SMG5: variants seen among roughly 807,000 people sequenced by gnomAD.
SMG5 encodes nonsense-mediated mRNA decay factor SMG5.
In SMG5, 53 loss-of-function variants were observed where a neutral mutation model predicts 122.9. The observed-to-expected ratio is 0.43, with a 90% CI of 0.35 to 0.54. The LOEUF is 0.54. Among genes scored for constraint, SMG5 ranks in the 20% least tolerant of loss-of-function variants. SMG5 has a pLI of 0.01. For synonymous variants in SMG5, 477 were observed against 490.2 expected, an observed-to-expected ratio of 0.97 and a Z score of 0.35; for missense variants, 1,153 against 1,285.6, an observed-to-expected ratio of 0.90 and a Z score of 1.58.
chr1:156,258,178 G>A (rs1661663049), intron 16 of SMG5, among the ~76,000 whole-genome samples: 1 of 152,222 alleles, frequency 6.6e-6, no homozygotes, highest in Non-Finnish European at 1.5e-5. Flanking sequence ...GGATGGGAAG[G>A]TTCCTTCATG....
At chr1:156,277,803 T>G in intron 3 of SMG5, 122 bp downstream of exon 3, 1 of 1,322,188 alleles carries the variant, frequency 7.6e-7, no homozygotes, top group Non-Finnish European at 1.1e-6. Flanking sequence ...TGAGCCACCG[T>G]GCCCAGCCTC....
chr1:156,276,255 T>C (rs977458513), intron 4 of SMG5, among the ~76,000 whole-genome samples: 3 of 151,856 alleles, frequency 2.0e-5, no homozygotes, highest in Middle Eastern at 3.4e-3. Flanking sequence ...GCCTCCTGAG[T>C]AGCTGGGATT....
rs1459132782 is a variant in SMG5, at chr1:156,250,922, C to T, written c.2903G>A (p.Gly968Asp). ...AQGAGEEDPS[G>D]MVTIITGLPL... ...AAGGCCTGTGATGATGGTCACCATG[C>T]CACTCGGATCCTCCTCACCTGCCCC... Residue 968 changes from glycine (G) to aspartate (D), a missense_variant, in exon 21 of 22, where the codon GGC (glycine) becomes GAC (aspartate). Gly to Asp is a moderately conservative substitution (Grantham distance 94). Transcript: ENST00000361813. 6.2e-7 allele frequency: 1 copy of T among 1,613,960 alleles called. No individual in the cohort carries two copies. Among genetic ancestry groups the T allele is most frequent in the Admixed American group, 1.7e-5 (1 of 60,008 alleles).
intron 4 of SMG5, among the ~76,000 whole-genome samples, chr1:156,276,811 G>A (rs1463517282): frequency 2.0e-5 from 3 of 152,150 alleles, no homozygotes; most frequent in Admixed American, 6.5e-5. Context: ...GAAAAGAAAT[G>A]TATTAATACC....
At chr1:156,285,201 G>A (rs753265433), upstream of SMG5, 2 of 1,517,106 alleles carry the variant, frequency 1.3e-6, no homozygotes, top group Non-Finnish European at 1.8e-6. Context: ...TGACCTTGTG[G>A]TAGATCCCAG....
chr1:156,289,665 T>C, the SMG5 span, among the ~76,000 whole-genome samples: 20 of 152,342 alleles, frequency 1.3e-4, no homozygotes, highest in African/African-American at 4.8e-4. Flanking sequence ...CATTATACTA[T>C]GCTGCTTCCT....
chr1:156,268,556 T>C (rs996718937), intron 7 of SMG5, 141 bp from the exon 8 acceptor site: 11 of 1,026,138 alleles, frequency 1.1e-5, no homozygotes, highest in Admixed American at 1.0e-4. Context: ...GGTAAAAGGC[T>C]CATGAGCTAT....
intron 2 of SMG5, among the ~76,000 whole-genome samples, 184 bp downstream of exon 2, chr1:156,278,751 TA>T (rs1175041613): frequency 6.6e-6 from 1 of 152,168 alleles, no homozygotes; most frequent in Non-Finnish European, 1.5e-5. Context: ...CTATTAGATG[TA>T]AAATCTGCAG....
intron 13 of SMG5, among the ~76,000 whole-genome samples, chr1:156,262,979 T>C (rs1661926152): frequency 6.6e-6 from 1 of 152,214 alleles, no homozygotes; most frequent in Admixed American, 6.5e-5. Context: ...CCTTAAGCTG[T>C]TCCCCCTGCC....
upstream of SMG5, among the ~76,000 whole-genome samples, chr1:156,287,666 G>C (rs888968366): frequency 2.8e-5 from 4 of 143,516 alleles, no homozygotes; most frequent in Non-Finnish European, 6.0e-5. Flanking sequence ...CCAGGCTGGA[G>C]AGTACAATGG....
chr1:156,275,387 G>C (rs1662637548), intron 4 of SMG5, among the ~76,000 whole-genome samples: 5 of 152,204 alleles, frequency 3.3e-5, no homozygotes. Context: ...GAGAGCTTGA[G>C]ATCTTTGGAA....
Position 156,268,491 on chromosome 1 carries a change from A to G in SMG5, c.714-76T>C, listed in dbSNP as rs1337130862. On this transcript the variant is annotated intron_variant, in intron 7 of 21. Coordinates refer to ENST00000361813, the MANE Select transcript of SMG5 (RefSeq NM_015327.3). ...TACTCTGCTGGGGCTTTAGGAAACA[A>G]TGTTACTAGTAAATACAGGCTGCTC... is the stretch of plus-strand genomic sequence containing the variant. The G allele has an allele frequency of 1.9e-6, 3 of 1,566,418 alleles. No homozygotes were observed. In the African/African-American group the frequency reaches 4.1e-5, roughly 21 times the overall value.
chr1:156,258,338 C>T (rs77077022), intron 16 of SMG5, among the ~76,000 whole-genome samples: 1 of 152,224 alleles, frequency 6.6e-6, no homozygotes, highest in African/African-American at 2.4e-5. Context: ...ATTCCATCTT[C>T]AAAAAACTCC....
chr1:156,263,673 GC>G, intron 12 of SMG5, 103 bp from the exon 13 acceptor site: 1 of 1,295,452 alleles, frequency 7.7e-7, no homozygotes, highest in Non-Finnish European at 1.0e-6. Context: ...CCTGGCCTGG[GC>G]CCTTCCAAGG....
At chr1:156,271,061 G>A (rs1662393145) in intron 7 of SMG5, among the ~76,000 whole-genome samples, 1 of 151,826 alleles carries the variant, frequency 6.6e-6, no homozygotes, top group African/African-American at 2.4e-5. Context: ...TATAAACCTA[G>A]TAACGATACT....
intron 5 of SMG5, among the ~76,000 whole-genome samples, chr1:156,274,315 C>G (rs986027153): frequency 6.6e-6 from 1 of 152,136 alleles, no homozygotes; most frequent in Non-Finnish European, 1.5e-5. Context: ...AGAAAAATAT[C>G]AAATTAAAAT....
intron 5 of SMG5, 28 bp from the exon 6 acceptor site, chr1:156,273,478 C>T: frequency 6.2e-7 from 1 of 1,605,754 alleles, no homozygotes; most frequent in East Asian, 2.2e-5. Context: ...CGAAGGGAAA[C>T]TCGATGATTT....
chr1:156,266,059 T>C lies in SMG5; in HGVS notation c.1577A>G (p.Glu526Gly). 6.2e-7 allele frequency: 1 copy of C among 1,614,172 alleles called. No individual in the cohort carries two copies. The highest frequency in any genetic ancestry group is 8.5e-7 in the Non-Finnish European group (1 of 1,180,022). ...TGTCCCCTCCTCTTCCTCCATATCTTCCAAGTCTGATCGGGACTCCTGGCT... is the reference window on the plus strand; with the variant it reads ...TGTCCCCTCCTCTTCCTCCATATCTCCCAAGTCTGATCGGGACTCCTGGCT... ...MNSQESRSDL[E>G]DMEEEEGTRS... The change falls in exon 12 of 22, where the codon GAA becomes GGA. Residue 526 changes from glutamate (E) to glycine (G), a missense_variant. This residue lies in a region of SMG5 where 631 missense variants were observed against 650.6 expected (regional missense o/e 0.97). Transcript: ENST00000361813.
chr1:156,272,356 T>G lies in SMG5; in HGVS notation c.677A>C (p.Tyr226Ser), dbSNP rs1448520511. 1.2e-6 allele frequency: 2 copies of G among 1,602,156 alleles called. No individual in the cohort carries two copies. Among genetic ancestry groups the G allele is most frequent in the Admixed American group, 3.4e-5 (2 of 58,990 alleles). The change falls in exon 7 of 22, where the codon TAC (tyrosine) becomes TCC (serine). Residue 226 changes from tyrosine to serine, a missense_variant. By Grantham distance (144) the Tyr-to-Ser change is moderately radical. This residue lies in a region of SMG5 where 85 missense variants were observed against 127.3 expected (regional missense o/e 0.67). Transcript: ENST00000361813. The stretch of plus-strand genomic sequence containing the variant: ...GCAATACATGGCTTCCACATTATAG[T>G]ACTTGCTGCCTGCCAGGGTGCCCAG... ...NQLGTLAGSK[Y>S]YNVEAMYCYL...
Sources: gnomAD v4.1 joint callset for allele counts (sites outside exome capture counted in the v4.1 genomes callset) on GRCh38, gnomAD v4.1.1 for gene constraint, gnomAD v4.1.1 regional missense constraint, MANE v1.5 for transcripts, NCBI Gene and HGNC (gene_info 2026-07-23, HGNC 2026-07-21) for gene names.